Variants in SLC38A1 observed in about 807,000 individuals in gnomAD.
SLC38A1 encodes solute carrier family 38 member 1.
A neutral mutation model predicts 60.3 loss-of-function variants in SLC38A1; 18 were observed. The observed-to-expected ratio is 0.30, with a 90% CI of 0.21 to 0.44. The LOEUF (loss-of-function observed/expected upper bound fraction) is 0.44. SLC38A1 is among the 20% of genes least tolerant of loss of function. The probability of loss-of-function intolerance (pLI) is 1.00; values close to 1 mark genes in which losing one functional copy is unlikely to be tolerated. For missense variants in SLC38A1, 448 were observed against 587.2 expected, an observed-to-expected ratio of 0.76 and a Z score of 2.45; for synonymous variants, 196 against 212.1, an observed-to-expected ratio of 0.92 and a Z score of 0.66.
chr12:46,199,904 T>C (rs908312049), intron 13 of SLC38A1, among the ~76,000 whole-genome samples: 2 of 152,172 alleles, frequency 1.3e-5, no homozygotes, highest in Non-Finnish European at 2.9e-5. Context: ...AAAAGAACCA[T>C]AAGTTATAAT....
At chr12:46,265,058 G>T (rs1010837900) in intron 1 of SLC38A1, among the ~76,000 whole-genome samples, 3 of 152,166 alleles carry the variant, frequency 2.0e-5, no homozygotes, top group African/African-American at 7.2e-5. Flanking sequence ...CCCTCCTCTG[G>T]TAGATATGTT....
chr12:46,233,491 C>T (rs936221947), intron 3 of SLC38A1, among the ~76,000 whole-genome samples: 1 of 152,004 alleles, frequency 6.6e-6, no homozygotes, highest in African/African-American at 2.4e-5. Context: ...ATAAACTGCC[C>T]GTTATGGAAG....
rs1410068645 is a variant in SLC38A1 at position 46,251,365 on chromosome 12, A to C, written c.-208-8051T>G. Among the ~76,000 whole-genome samples, 20 of 152,226 alleles carry C rather than the reference A, an allele frequency of 1.3e-4. 1 individual carries two copies. Among genetic ancestry groups the C allele is most frequent in the African/African-American group, 2.4e-5 (1 of 41,462 alleles). On this transcript the variant is annotated intron_variant, in intron 1 of 16. Coordinates refer to ENST00000398637, the MANE Select transcript of SLC38A1 (RefSeq NM_030674.4). ...TAATTCAAGATGGATTAAAGACCTA[A>C]GTGTTAGACCTGAAACCATAAAAAC...
At chr12:46,230,329 A>C (rs11183403) in intron 3 of SLC38A1, among the ~76,000 whole-genome samples, 61,978 of 152,000 alleles carry the variant, frequency 0.41, 14,723 homozygotes, top group African/African-American at 0.66. Context: ...CTAGGAAATT[A>C]CGGTGGGAGG....
At position 46,229,574 on chromosome 12, in the gene SLC38A1, C is replaced by T; in HGVS notation, c.188G>A (p.Cys63Tyr). The T allele has an allele frequency of 1.2e-6, 2 of 1,611,264 alleles. No individual in the cohort carries two copies. Among genetic ancestry groups the T allele is most frequent in the Non-Finnish European group, 1.7e-6 (2 of 1,177,668 alleles). ...TATAATGATACTTACATACTCATCA[C>T]ACTTCTTTTTTTCCAAATGGCTGTT... ...LTNSHLEKKK[C>Y]DEYIPGTTSL... Residue 63 changes from cysteine to tyrosine, a missense_variant, in exon 4 of 17, where the codon TGT becomes TAT. Transcript: ENST00000398637.
chr12:46,249,149 C>T (rs1941737985), intron 1 of SLC38A1, among the ~76,000 whole-genome samples: 1 of 39,320 alleles, frequency 2.5e-5, no homozygotes, highest in Admixed American at 2.5e-4. Flanking sequence ...GAGTGAGACT[C>T]CGCCTCAAAA....
rs1219721698 is a variant in SLC38A1 at position 46,184,665 on chromosome 12, G to T, written c.*4305C>A. On this transcript the variant is annotated 3_prime_UTR_variant, in exon 17 of 17. Coordinates refer to ENST00000398637, the MANE Select transcript of SLC38A1 (RefSeq NM_030674.4). Reference sequence around the variant, plus strand: ...TAAGCAGAGCAGACCTTTCAGTAGAGAATTCGCTTTAAAAGGAGGACAGGA... The same window carrying T: ...TAAGCAGAGCAGACCTTTCAGTAGATAATTCGCTTTAAAAGGAGGACAGGA... The T allele has an allele frequency of 6.6e-6, 1 of 152,142 alleles. No homozygotes were observed. The highest frequency in any genetic ancestry group is 6.5e-5 in the Admixed American group (1 of 15,272). The allele number at this position is 152,142 out of a possible 1,614,324, so 9.4% of individuals were successfully genotyped here.
At chr12:46,195,999 C>T (rs776919261) in intron 16 of SLC38A1, 3 of 711,780 alleles carry the variant, frequency 4.2e-6, no homozygotes, top group Non-Finnish European at 6.8e-6. Flanking sequence ...CCAGGTACCT[C>T]AGTTGGAAAT....
chr12:46,200,959 A>C, intron 13 of SLC38A1, 139 bp downstream of exon 13: 1 of 642,880 alleles, frequency 1.6e-6, no homozygotes, highest in Non-Finnish European at 2.8e-6. Flanking sequence ...CCATTGCTTT[A>C]AGTCGAAGAA....
At chr12:46,193,105 G>A (rs1939215178) in intron 16 of SLC38A1, among the ~76,000 whole-genome samples, 1 of 152,186 alleles carries the variant, frequency 6.6e-6, no homozygotes, top group African/African-American at 2.4e-5. Flanking sequence ...TGCTTTAAAT[G>A]TGTCCCAGAG....
chr12:46,266,272 T>C (rs943738895), intron 1 of SLC38A1, among the ~76,000 whole-genome samples: 9 of 152,134 alleles, frequency 5.9e-5, no homozygotes, highest in African/African-American at 1.9e-4. Flanking sequence ...AGAGTAGCAA[T>C]AGTCAGATAT....
In SLC38A1 at chr12:46,183,382, C is replaced by G. The variant is rs1328845778; in HGVS notation, c.*5588G>C. The G allele has an allele frequency of 6.6e-6, 1 of 152,120 alleles. No individual in the cohort carries two copies. Among genetic ancestry groups the G allele is most frequent in the Non-Finnish European group, 1.5e-5 (1 of 68,016 alleles). 9.4% of individuals were successfully genotyped at this position (152,120 alleles called of 1,614,324 possible). A position where few individuals can be genotyped will look rare whatever the true frequency, so the allele number is the denominator to read the frequency against. ...TTCAAGTGTTTGGGGAAAAAAATAC[C>G]TTAGACAGTCTATGTTGGCGTCAAC... On this transcript the variant is annotated 3_prime_UTR_variant, in exon 17 of 17. Transcript: ENST00000398637.
chr12:46,214,934 A>C (rs1392774439), intron 5 of SLC38A1, among the ~76,000 whole-genome samples: 1 of 152,224 alleles, frequency 6.6e-6, no homozygotes, highest in Non-Finnish European at 1.5e-5. Context: ...CTCCCAAAAA[A>C]AGAGAGAACC....
At chr12:46,192,746 G>A (rs1433382439) in intron 16 of SLC38A1, among the ~76,000 whole-genome samples, 1 of 152,090 alleles carries the variant, frequency 6.6e-6, no homozygotes, top group East Asian at 1.9e-4. Context: ...TTCTCTGATG[G>A]TAGTTTGTAT....
rs919180204 is a variant in SLC38A1 at position 46,201,035 on chromosome 12, A to C, written c.1003+63T>G. The C allele has an allele frequency of 2.2e-5, 26 of 1,187,738 alleles. No homozygotes were observed. In the Admixed American group the frequency reaches 5.1e-4, roughly 23 times the overall value. The allele number at this position is 1,187,738 out of a possible 1,614,324, so 73.6% of individuals were successfully genotyped here. ...GCCTTTCATGTTAAAAGTTATTTCA[A>C]CACTAATTTTTACTAATTTGTTTAC... is the stretch of plus-strand genomic sequence containing the variant. On this transcript the variant is annotated intron_variant, in intron 13 of 16. Transcript: ENST00000398637.
rs148907505 is a variant in SLC38A1, at chr12:46,193,229, T to C, written c.1363-4158A>G. ...AGGAGCAGGTTTTTCAGTTTCCATGTAGTTGTGTGGTTTTGAGTGAGTTTC... is the reference window on the plus strand; with the variant it reads ...AGGAGCAGGTTTTTCAGTTTCCATGCAGTTGTGTGGTTTTGAGTGAGTTTC... On this transcript the variant is annotated intron_variant, in intron 16 of 16. Coordinates refer to ENST00000398637, the MANE Select transcript of SLC38A1 (RefSeq NM_030674.4). Among the ~76,000 whole-genome samples, 1,018 of 152,318 alleles carry C rather than the reference T, an allele frequency of 6.7e-3. 7 individuals carry two copies. Among genetic ancestry groups the C allele is most frequent in the African/African-American group, 0.023 (951 of 41,568 alleles).
chr12:46,247,643 T>C (rs567381174), intron 1 of SLC38A1, among the ~76,000 whole-genome samples: 90 of 152,274 alleles, frequency 5.9e-4, no homozygotes, highest in African/African-American at 2.0e-3. Flanking sequence ...TTCCACAACC[T>C]AGCATGGCAG....
At chr12:46,213,741 G>A (rs558867900) in intron 5 of SLC38A1, among the ~76,000 whole-genome samples, 35 of 152,286 alleles carry the variant, frequency 2.3e-4, no homozygotes, top group African/African-American at 5.8e-4. Flanking sequence ...CCTCACATCC[G>A]TCTTCCACCC....
Position 46,257,580 on chromosome 12 carries a change from C to T in SLC38A1, c.-209+10946G>A, listed in dbSNP as rs188200735. Reference sequence around the variant, plus strand: ...GAGGCTTCTTCGGTATTGTACCTTCCGGGTTTGGCAGAAAAATGTTACCAG... The same window carrying T: ...GAGGCTTCTTCGGTATTGTACCTTCTGGGTTTGGCAGAAAAATGTTACCAG... On this transcript the variant is annotated intron_variant, in intron 1 of 16. Transcript: ENST00000398637. Among the ~76,000 whole-genome samples, 23 of 152,126 alleles carry T rather than the reference C, an allele frequency of 1.5e-4. 1 individual carries two copies. The East Asian group carries it at 1.7e-3, about 11-fold the overall frequency.
Sources: allele counts gnomAD v4.1 joint callset (sites outside exome capture counted in the v4.1 genomes callset), GRCh38; gene constraint gnomAD v4.1.1; transcripts MANE v1.5; gene names NCBI Gene and HGNC (gene_info 2026-07-23, HGNC 2026-07-21).